SVEP1: variants seen among roughly 807,000 people sequenced by gnomAD.
SVEP1 encodes the protein sushi, von Willebrand factor type A, EGF and pentraxin domain containing 1.
SVEP1 carries 164 observed loss-of-function variants against 367.3 expected under a neutral mutation model. The ratio of observed to expected loss-of-function variants is 0.45; its 90% CI spans 0.39 to 0.51. SVEP1 has a LOEUF of 0.51. SVEP1 is among the 20% of genes least tolerant of loss of function. SVEP1 has a pLI of 0.00. For missense variants in SVEP1, 4,117 were observed against 4,425.3 expected, an observed-to-expected ratio of 0.93 and a Z score of 1.98; for synonymous variants, 1,666 against 1,611.6, an observed-to-expected ratio of 1.03 and a Z score of -0.81.
rs1227747111 is a variant in SVEP1 at position 110,408,705 on chromosome 9, C to T, written c.6895G>A (p.Asp2299Asn). 3.1e-6 allele frequency: 5 copies of T among 1,613,862 alleles called. No individual in the cohort carries two copies. The East Asian group carries it at 1.1e-4, about 36-fold the overall frequency. The change falls in exon 38 of 48, where the codon GAC (aspartate) becomes AAC (asparagine). Residue 2299 changes from aspartate to asparagine, a missense_variant. Around this residue, in one of 4 missense-constraint regions of SVEP1, gnomAD observed 1,765 missense variants for 1,781.1 expected, o/e 0.99. Coordinates refer to ENST00000374469, the MANE Select transcript of SVEP1 (RefSeq NM_153366.4). Reference sequence around the variant, plus strand: ...GATTTCTGACATGTCCAAGAACTGTCACCAACAAGCTCATAACCCTCATTA... The same window carrying T: ...GATTTCTGACATGTCCAAGAACTGTTACCAACAAGCTCATAACCCTCATTA... ...FCNEGYELVG[D>N]SSWTCQKSGK...
chr9:110,390,336 CATACTT>C (rs1390645707), intron 40 of SVEP1, among the ~76,000 whole-genome samples: 1 of 23,000 alleles, frequency 4.3e-5, no homozygotes, highest in South Asian at 1.3e-3. Context: ...TATATATACA[CATACTT>C]ATATACACTT....
intron 1 of SVEP1, among the ~76,000 whole-genome samples, chr9:110,574,870 C>T (rs1320977279): frequency 1.3e-5 from 2 of 151,394 alleles, no homozygotes; most frequent in Non-Finnish European, 2.9e-5. Context: ...CTCAGCCTCC[C>T]GAGTAGCTGG....
In SVEP1 at chr9:110,370,023, TA is replaced by T; in HGVS notation, c.10601-8del. 1 of 1,610,676 alleles carries T rather than the reference TA, an allele frequency of 6.2e-7. No homozygotes were observed. Among genetic ancestry groups the T allele is most frequent in the Non-Finnish European group, 8.5e-7 (1 of 1,178,126 alleles). On this transcript the variant is annotated splice_region_variant and splice_polypyrimidine_tract_variant and intron_variant, in intron 46 of 47. Coordinates refer to ENST00000374469, the MANE Select transcript of SVEP1 (RefSeq NM_153366.4). ...CAGGGAGACTGGCAAACAGCTGGAA[TA>T]AAAAACCCATGCATTTATTTAATTA...
chr9:110,472,369 T>A, intron 14 of SVEP1, 46 bp from the exon 15 acceptor site: 1 of 1,512,586 alleles, frequency 6.6e-7, no homozygotes, highest in Non-Finnish European at 8.8e-7. Flanking sequence ...AGTTGCTTTT[T>A]CGTCAGCGTT....
intron 41 of SVEP1, among the ~76,000 whole-genome samples, chr9:110,387,736 G>A (rs1318966119): frequency 1.3e-5 from 2 of 152,068 alleles, no homozygotes; most frequent in African/African-American, 4.8e-5. Flanking sequence ...ATGAGCAGGT[G>A]GGTAAAATAA....
intron 1 of SVEP1, among the ~76,000 whole-genome samples, chr9:110,550,844 T>C (rs1344804623): frequency 2.6e-5 from 4 of 152,168 alleles, no homozygotes; most frequent in South Asian, 4.1e-4. Context: ...TCTCTACAGA[T>C]AGAATTTTAA....
intron 9 of SVEP1, among the ~76,000 whole-genome samples, chr9:110,485,957 G>C (rs1183951114): frequency 1.3e-5 from 2 of 152,166 alleles, no homozygotes; most frequent in African/African-American, 4.8e-5. Flanking sequence ...TATTAGTGCA[G>C]ACCTTAGGTT....
chr9:110,385,839 C>A, intron 43 of SVEP1, 59 bp downstream of exon 43: 1 of 1,551,836 alleles, frequency 6.4e-7, no homozygotes, highest in Non-Finnish European at 8.7e-7. Flanking sequence ...AACAACCTCA[C>A]AGGGATGGGA....
intron 1 of SVEP1, among the ~76,000 whole-genome samples, chr9:110,568,970 G>T (rs1270668882): frequency 1.4e-5 from 2 of 146,702 alleles, no homozygotes; most frequent in Non-Finnish European, 1.5e-5. Context: ...CATAATTTGT[G>T]ACCCTGTAGT....
At chr9:110,449,940 C>T (rs1410237838) in intron 24 of SVEP1, 119 bp downstream of exon 24, 12 of 1,173,656 alleles carry the variant, frequency 1.0e-5, no homozygotes, top group East Asian at 2.3e-5. Context: ...AGCCTATCCT[C>T]GGGCCAGCAT....
rs1827847149 is a variant in SVEP1, at chr9:110,400,787, T to G, written c.9822+67A>C. ...AGTCAGTAAAACAAATTTGTGCTAA[T>G]ACTGAAAGTATCCCCAAGTATATTG... is the stretch of plus-strand genomic sequence containing the variant. On this transcript the variant is annotated intron_variant, in intron 40 of 47. Transcript: ENST00000374469. The G allele has an allele frequency of 4.7e-6, 7 of 1,491,144 alleles. No individual in the cohort carries two copies. The South Asian group carries it at 9.2e-5, about 20-fold the overall frequency. The allele number at this position is 1,491,144 out of a possible 1,614,324, so 92.4% of individuals were successfully genotyped here.
Position 110,499,211 on chromosome 9 carries a change from G to C in SVEP1, c.1511C>G (p.Pro504Arg). The stretch of plus-strand genomic sequence containing the variant: ...GTGGGGGGATATGATGACATCTTTG[G>C]GCATCTGAAAGGTGGAACAGTGGCG... ...VERHCSTFQM[P>R]KDVIISPHNC... The change falls in exon 7 of 48, where the codon CCC becomes CGC. Residue 504 changes from proline to arginine, a missense_variant. Pro to Arg is a moderately radical substitution (Grantham distance 103). Around this residue, in one of 4 missense-constraint regions of SVEP1, gnomAD observed 2,174 missense variants for 2,494.3 expected, o/e 0.87. Coordinates refer to ENST00000374469, the MANE Select transcript of SVEP1 (RefSeq NM_153366.4). The C allele has an allele frequency of 6.2e-7, 1 of 1,612,726 alleles. No individual in the cohort carries two copies. Among genetic ancestry groups the C allele is most frequent in the Non-Finnish European group, 8.5e-7 (1 of 1,179,260 alleles).
intron 37 of SVEP1, among the ~76,000 whole-genome samples, chr9:110,409,726 T>G (rs1172484052): frequency 2.6e-5 from 4 of 152,240 alleles, no homozygotes; most frequent in Non-Finnish European, 5.9e-5. Context: ...AAATTTTGTT[T>G]ATATTAACAT....
At chr9:110,374,502 T>C (rs2118942308) in intron 46 of SVEP1, among the ~76,000 whole-genome samples, 1 of 152,140 alleles carries the variant, frequency 6.6e-6, no homozygotes, top group Admixed American at 6.5e-5. Flanking sequence ...ATAGAAAAAT[T>C]AGCAGGGTAT....
At chr9:110,426,682 T>C (rs1457733275) in intron 36 of SVEP1, among the ~76,000 whole-genome samples, 1 of 152,190 alleles carries the variant, frequency 6.6e-6, no homozygotes, top group Non-Finnish European at 1.5e-5. Flanking sequence ...TCAGATGACC[T>C]GAGATTTAGC....
At chr9:110,383,883 C>T (rs1476203001) in intron 43 of SVEP1, among the ~76,000 whole-genome samples, 6 of 151,880 alleles carry the variant, frequency 4.0e-5, no homozygotes, top group East Asian at 1.9e-4. Context: ...AGTCTGGCCA[C>T]GATCTGTCAC....
chr9:110,527,211 T>A (rs1386055162), intron 3 of SVEP1, among the ~76,000 whole-genome samples: 3 of 152,010 alleles, frequency 2.0e-5, no homozygotes, highest in African/African-American at 4.8e-5. Flanking sequence ...TCCTTTAAAG[T>A]GGGAAAGGAT....
chr9:110,436,611 A>C (rs28663144), intron 27 of SVEP1, 107 bp from the exon 28 acceptor site: 53,011 of 1,427,096 alleles, frequency 0.037, 1,154 homozygotes, highest in African/African-American at 0.092. Context: ...AAATGAAAGA[A>C]AATTACTGAA....
At chr9:110,370,406 GACTTGAAGCTCAAGATTGTA>G (rs1827258930) in intron 46 of SVEP1, among the ~76,000 whole-genome samples, 1 of 152,030 alleles carries the variant, frequency 6.6e-6, no homozygotes, top group African/African-American at 2.4e-5. Context: ...TCTTTCCACT[GACTTGAAGCTCAAGATTGTA>G]AATTCCTCGA....
Sources: gnomAD v4.1 joint callset for allele counts (sites outside exome capture counted in the v4.1 genomes callset) on GRCh38, gnomAD v4.1.1 for gene constraint, gnomAD v4.1.1 regional missense constraint, MANE v1.5 for transcripts, NCBI Gene and HGNC (gene_info 2026-07-23, HGNC 2026-07-21) for gene names.